The following EFHC2 variants were observed in gnomAD, a reference collection of about 807,000 sequenced individuals.
The protein encoded by EFHC2 is EF-hand domain containing 2.
EFHC2 carries 18 observed loss-of-function variants against 52.7 expected under a neutral mutation model. The observed-to-expected ratio is 0.34, with a 90% CI of 0.24 to 0.51. EFHC2 has a LOEUF of 0.51. EFHC2 is among the 20% of genes least tolerant of loss of function. The probability of loss-of-function intolerance (pLI) is 0.97; values close to 1 mark genes in which losing one functional copy is unlikely to be tolerated. For synonymous variants in EFHC2, 203 were observed against 204.1 expected (o/e 0.99, Z 0.04); for missense variants, 513 against 562.5 (o/e 0.91, Z 0.89).
At chrX:44,209,310 G>A (rs2037076681) in intron 11 of EFHC2, among the ~76,000 whole-genome samples, 1 of 110,273 alleles carries the variant, frequency 9.1e-6, no homozygotes, top group African/African-American at 3.3e-5. Context: ...ACACCATATT[G>A]GCACTTTTAG....
chrX:44,212,082 T>C (rs2037102500), intron 11 of EFHC2, among the ~76,000 whole-genome samples: 1 of 109,121 alleles, frequency 9.2e-6, no homozygotes, highest in South Asian at 4.0e-4. Flanking sequence ...AGGCTCAATG[T>C]GGATATGCCT....
At chrX:44,176,251 T>C in intron 13 of EFHC2, 41 bp downstream of exon 13, 1 of 1,051,186 alleles carries the variant, frequency 9.5e-7, no homozygotes, top group Non-Finnish European at 1.3e-6. Context: ...CAAATAAAAC[T>C]ATGCAGGACA....
At chrX:44,306,049 G>C (rs1002602098) in intron 2 of EFHC2, among the ~76,000 whole-genome samples, 10 of 111,093 alleles carry the variant, frequency 9.0e-5, no homozygotes, top group Admixed American at 3.8e-4. Context: ...CAGGATCCAG[G>C]AACCAAAGAG....
chrX:44,298,504 T>C (rs2037843606), intron 2 of EFHC2, among the ~76,000 whole-genome samples: 1 of 111,256 alleles, frequency 9.0e-6, no homozygotes, highest in Non-Finnish European at 1.9e-5. Flanking sequence ...GTCTAGACGG[T>C]GTCTGGGGTG....
chrX:44,276,786 C>T (rs953672069), intron 2 of EFHC2, among the ~76,000 whole-genome samples: 1 of 112,240 alleles, frequency 8.9e-6, no homozygotes, highest in African/African-American at 3.2e-5. Flanking sequence ...CAGTATGACA[C>T]AAAAAATAAT....
intron 2 of EFHC2, among the ~76,000 whole-genome samples, chrX:44,299,330 G>A (rs959359749): frequency 9.0e-6 from 1 of 111,162 alleles, no homozygotes; most frequent in Non-Finnish European, 1.9e-5. Context: ...CAGCATTATC[G>A]TCAACACAGA....
chrX:44,335,637 T>G (rs12007689), intron 1 of EFHC2, among the ~76,000 whole-genome samples: 2,450 of 111,957 alleles, frequency 0.022, 75 homozygotes, highest in African/African-American at 0.076. Context: ...TTTTTATTTA[T>G]GTTAGGATAA....
intron 4 of EFHC2, among the ~76,000 whole-genome samples, chrX:44,256,903 A>G (rs973104453): frequency 9.0e-6 from 1 of 111,636 alleles, no homozygotes; most frequent in Non-Finnish European, 1.9e-5. Context: ...TCCTCAATAA[A>G]ATACTGGCAA....
chrX:44,203,821 C>A (rs2037025404), intron 11 of EFHC2, among the ~76,000 whole-genome samples: 1 of 110,895 alleles, frequency 9.0e-6, no homozygotes, highest in Non-Finnish European at 1.9e-5. Flanking sequence ...GAACTCCTGG[C>A]CTCAAGTAAT....
chrX:44,193,741 G>A (rs984255892), intron 11 of EFHC2, among the ~76,000 whole-genome samples: 1 of 111,488 alleles, frequency 9.0e-6, no homozygotes, highest in Admixed American at 9.5e-5. Context: ...GGAAAGGAGG[G>A]ACCTAGTTGT....
At chrX:44,294,654 T>C (rs1005396047) in intron 2 of EFHC2, among the ~76,000 whole-genome samples, 3 of 111,800 alleles carry the variant, frequency 2.7e-5, no homozygotes, top group African/African-American at 9.8e-5. Context: ...TTCAAAGCTC[T>C]GTGCTGTGGA....
intron 1 of EFHC2, among the ~76,000 whole-genome samples, chrX:44,343,224 A>G (rs1263653074): frequency 9.0e-6 from 1 of 111,132 alleles, no homozygotes; most frequent in Non-Finnish European, 1.9e-5. Flanking sequence ...GGCTGTTGGG[A>G]CACTGGATGC....
chrX:44,186,126 G>T (rs932780416), intron 11 of EFHC2, among the ~76,000 whole-genome samples: 1 of 111,596 alleles, frequency 9.0e-6, no homozygotes, highest in African/African-American at 3.3e-5. Context: ...TTGAAATTCA[G>T]TATGTCTTGG....
intron 2 of EFHC2, among the ~76,000 whole-genome samples, chrX:44,282,906 G>A (rs1021328632): frequency 3.7e-5 from 4 of 109,499 alleles, no homozygotes; most frequent in African/African-American, 1.3e-4. Context: ...CTGGATGGCC[G>A]TGGGGAGGTG....
intron 3 of EFHC2, among the ~76,000 whole-genome samples, chrX:44,264,692 A>C (rs1225534953): frequency 8.9e-6 from 1 of 112,545 alleles, no homozygotes; most frequent in Non-Finnish European, 1.9e-5. Flanking sequence ...GTTGCACATG[A>C]GAGCTTTCAA....
intron 2 of EFHC2, among the ~76,000 whole-genome samples, chrX:44,276,933 T>C (rs1037297314): frequency 1.8e-5 from 2 of 111,381 alleles, no homozygotes; most frequent in South Asian, 3.7e-4. Context: ...TCAGAAAGAC[T>C]ATCACTTCAG....
intron 11 of EFHC2, among the ~76,000 whole-genome samples, chrX:44,220,358 T>C (rs1048973916): frequency 2.7e-5 from 3 of 111,780 alleles, no homozygotes; most frequent in African/African-American, 6.5e-5. Flanking sequence ...ATTGAGAGTG[T>C]AAATGATATG....
chrX:44,243,663 T>C (rs2037377772), intron 7 of EFHC2, among the ~76,000 whole-genome samples: 1 of 111,396 alleles, frequency 9.0e-6, no homozygotes, highest in Non-Finnish European at 1.9e-5. Context: ...CCCAAAAGAG[T>C]ATTGTTACAT....
At chrX:44,184,826 A>C (rs774230778) in intron 11 of EFHC2, among the ~76,000 whole-genome samples, 107 of 110,544 alleles carry the variant, frequency 9.7e-4, no homozygotes, top group African/African-American at 3.4e-3. Context: ...ATCACACTCT[A>C]ACGGTATATA....
Sources: allele counts gnomAD v4.1 joint callset (sites outside exome capture counted in the v4.1 genomes callset), GRCh38; gene constraint gnomAD v4.1.1; transcripts MANE v1.5; gene names NCBI Gene and HGNC (gene_info 2026-07-23, HGNC 2026-07-21).